FMN2: variants seen among roughly 807,000 people sequenced by gnomAD.
FMN2 encodes the protein formin 2.
FMN2 carries 51 observed loss-of-function variants against 142.3 expected under a neutral mutation model. That is an observed-to-expected ratio of 0.36 (90% CI 0.29 to 0.45). The LOEUF (loss-of-function observed/expected upper bound fraction) is 0.45, where lower values mean the gene tolerates loss of function less well. Ranked by LOEUF, FMN2 falls within the 20% of genes least tolerant of loss-of-function variation. FMN2 has a pLI of 1.00. For missense variants in FMN2, 1,936 were observed against 2,122.8 expected, an observed-to-expected ratio of 0.91 and a Z score of 1.73; for synonymous variants, 882 against 869.8, an observed-to-expected ratio of 1.01 and a Z score of -0.25.
chr1:240,123,239 A>G lies in FMN2; in HGVS notation c.1676A>G (p.Glu559Gly), dbSNP rs753989558. The change falls in exon 2 of 18, where the codon GAG becomes GGG. Residue 559 changes from glutamate (E) to glycine (G), a missense_variant. By Grantham distance (98) the Glu-to-Gly change is moderately conservative. Transcript: ENST00000319653. The part of the protein sequence containing the change: ...QQENGPPEEA[E>G]KFCSRIIAMG... ...GAGAACGGGCCTCCAGAAGAAGCAG[A>G]GAAGTTTTGCTCCCGGATCATTGCC... 1 of 1,614,200 alleles carries G rather than the reference A, an allele frequency of 6.2e-7. No individual in the cohort carries two copies. Among genetic ancestry groups the G allele is most frequent in the Non-Finnish European group, 8.5e-7 (1 of 1,180,040 alleles).
Position 240,168,976 on chromosome 1 carries a change from G to A in FMN2, c.1783-8945G>A, listed in dbSNP as rs192683576. On this transcript the variant is annotated intron_variant, in intron 2 of 17. Coordinates refer to ENST00000319653, the MANE Select transcript of FMN2 (RefSeq NM_020066.5). ...GCCTGTAATCCCAACACTTTGAGAGGGCCAGGCAGGTGGATCATGAGGTCA... is the reference window on the plus strand; with the variant it reads ...GCCTGTAATCCCAACACTTTGAGAGAGCCAGGCAGGTGGATCATGAGGTCA... 3.5e-4 allele frequency among the ~76,000 whole-genome samples: 53 copies of A among 152,176 alleles called. 2 individuals carry two copies. Among genetic ancestry groups the A allele is most frequent in the Admixed American group, 3.3e-3 (51 of 15,272 alleles).
chr1:240,417,037 T>TA (rs1427458768), intron 15 of FMN2, among the ~76,000 whole-genome samples: 1 of 151,610 alleles, frequency 6.6e-6, no homozygotes, highest in African/African-American at 2.4e-5. Context: ...ATGAGTTACT[T>TA]ATGTGTATAT....
At chr1:240,370,320 GT>G (rs1672821106) in intron 14 of FMN2, among the ~76,000 whole-genome samples, 1 of 151,382 alleles carries the variant, frequency 6.6e-6, no homozygotes, top group Non-Finnish European at 1.5e-5. Flanking sequence ...AGTCTATCTT[GT>G]TTTTTTCAAT....
In FMN2 at chr1:240,473,152, C is replaced by T. The variant is rs776364553; in HGVS notation, c.5142+699C>T. On this transcript the variant is annotated intron_variant, in intron 17 of 17. Coordinates refer to ENST00000319653, the MANE Select transcript of FMN2 (RefSeq NM_020066.5). This position sits in a 1 kb window ranked among gnomAD's most constrained non-coding sequence, Gnocchi z 4.3. ...ACTGGGATGTAAAGTTGGTGGGAAG[C>T]GCCAAGAGCAGTGTGACGCTTTGCC... Among the ~76,000 whole-genome samples the T allele has an allele frequency of 3.3e-5, 5 of 152,034 alleles. No homozygotes were observed. Among genetic ancestry groups the T allele is most frequent in the South Asian group, 2.1e-4 (1 of 4,822 alleles).
At chr1:240,184,236 C>CTTTTTTTTTTTTTTTTTTTTTTTTTTT (rs34050336) in intron 3 of FMN2, among the ~76,000 whole-genome samples, 2 of 79,438 alleles carry the variant, frequency 2.5e-5, no homozygotes, top group African/African-American at 5.0e-5. Flanking sequence ...AATATTTAAC[C>CTTTTTTTTTTTTTTTTTTTTTTTTTTT]TTTTTTTTTT....
At chr1:240,429,120 T>G (rs1259050015) in intron 15 of FMN2, among the ~76,000 whole-genome samples, 1 of 152,212 alleles carries the variant, frequency 6.6e-6, no homozygotes, top group Non-Finnish European at 1.5e-5. Flanking sequence ...CATTTTAAAT[T>G]TCAGATTCTT....
At chr1:240,181,287 A>G (rs1003128184) in intron 3 of FMN2, among the ~76,000 whole-genome samples, 1 of 152,226 alleles carries the variant, frequency 6.6e-6, no homozygotes, top group African/African-American at 2.4e-5. Flanking sequence ...TACAGGCGTG[A>G]GCCACTGCAC....
At chr1:240,107,746 C>T (rs1374436063) in intron 1 of FMN2, among the ~76,000 whole-genome samples, 1 of 151,260 alleles carries the variant, frequency 6.6e-6, no homozygotes. Context: ...CTTTTTCTCT[C>T]TTCCCCAGGA....
chr1:240,370,153 C>T (rs1672815917), intron 14 of FMN2, among the ~76,000 whole-genome samples: 2 of 152,226 alleles, frequency 1.3e-5, no homozygotes, highest in Middle Eastern at 3.4e-3. Context: ...CTGGCTTGCA[C>T]CTCTTTGGAA....
chr1:240,234,262 C>A (rs1667622836), intron 6 of FMN2, among the ~76,000 whole-genome samples: 1 of 152,208 alleles, frequency 6.6e-6, no homozygotes, highest in Non-Finnish European at 1.5e-5. Context: ...TGACACTCAT[C>A]CCCCCTACCC....
chr1:240,190,820 T>A (rs1435844856), intron 4 of FMN2, among the ~76,000 whole-genome samples: 2 of 152,182 alleles, frequency 1.3e-5, no homozygotes, highest in African/African-American at 4.8e-5. Context: ...TAGAGGCAAA[T>A]AGGTATATTA....
At chr1:240,336,295 T>C (rs868304952) in intron 13 of FMN2, among the ~76,000 whole-genome samples, 40 of 152,224 alleles carry the variant, frequency 2.6e-4, no homozygotes, top group African/African-American at 8.9e-4. Context: ...AGGAGCATCT[T>C]AGCAATTTTT....
chr1:240,155,849 TA>T (rs148500129), intron 2 of FMN2, among the ~76,000 whole-genome samples: 8,128 of 145,710 alleles, frequency 0.056, 732 homozygotes, highest in African/African-American at 0.19. Flanking sequence ...GCTATATCAT[TA>T]AAAAAAAAAC....
intron 3 of FMN2, among the ~76,000 whole-genome samples, chr1:240,185,033 C>CCCCCTTCTCTTTCTCCCTCCTATACCTG (rs1665359869): frequency 1.3e-4 from 2 of 15,074 alleles, no homozygotes; most frequent in South Asian, 1.8e-3. Flanking sequence ...CCTATACCTT[C>CCCCCTTCTCTTTCTCCCTCCTATACCTG]CCCCTTCTCT....
chr1:240,271,098 G>GCTTTTTTTTTTTTTTTTTTTTTTTTTT (rs1233218686), intron 7 of FMN2, among the ~76,000 whole-genome samples: 2 of 72,244 alleles, frequency 2.8e-5, no homozygotes, highest in Non-Finnish European at 2.5e-5. Context: ...TTCCACGATG[G>GCTTTTTTTTTTTTTTTTTTTTTTTTTT]TTTTTTTTTT....
At chr1:240,184,679 T>G (rs1293930469) in intron 3 of FMN2, among the ~76,000 whole-genome samples, 3 of 151,968 alleles carry the variant, frequency 2.0e-5, no homozygotes, top group Non-Finnish European at 4.4e-5. Context: ...AGATGATCAG[T>G]CTGTCCTAGA....
At chr1:240,420,933 G>T (rs1480663147) in intron 15 of FMN2, among the ~76,000 whole-genome samples, 3 of 152,222 alleles carry the variant, frequency 2.0e-5, no homozygotes, top group Admixed American at 1.3e-4. Flanking sequence ...AGGAAGCTGG[G>T]ACAGCTGTTA....
chr1:240,178,130 T>C, intron 3 of FMN2, 62 bp downstream of exon 3: 1 of 1,383,110 alleles, frequency 7.2e-7, no homozygotes, highest in Non-Finnish European at 9.4e-7. Flanking sequence ...AGAGAAGTTT[T>C]ATTAAATCTT....
chr1:240,247,014 A>T (rs1668105046), intron 6 of FMN2, among the ~76,000 whole-genome samples: 1 of 152,118 alleles, frequency 6.6e-6, no homozygotes, highest in South Asian at 2.1e-4. Context: ...GTTGGAAAAA[A>T]AGGTCAGATC....
Sources: gnomAD v4.1 joint callset for allele counts (sites outside exome capture counted in the v4.1 genomes callset) on GRCh38, gnomAD v4.1.1 for gene constraint, Gnocchi (gnomAD v3.1) non-coding constraint, MANE v1.5 for transcripts, NCBI Gene and HGNC (gene_info 2026-07-23, HGNC 2026-07-21) for gene names.